Variants in EIF2B3 observed in about 807,000 individuals in gnomAD.
EIF2B3 encodes translation initiation factor eIF2B subunit gamma.
Under a neutral mutation model 54.1 loss-of-function variants are expected in EIF2B3, and 20 were observed. That is an observed-to-expected ratio of 0.37 (90% CI 0.26 to 0.54). The LOEUF (loss-of-function observed/expected upper bound fraction) is 0.54. Among genes scored for constraint, EIF2B3 ranks in the 20% least tolerant of loss-of-function variants. EIF2B3 has a pLI of 0.86. For missense variants in EIF2B3, 448 were observed against 547.8 expected, an observed-to-expected ratio of 0.82 and a Z score of 1.82; for synonymous variants, 153 against 188.1, an observed-to-expected ratio of 0.81 and a Z score of 1.52.
At chr1:44,921,726 A>G (rs558530243) in intron 5 of EIF2B3, among the ~76,000 whole-genome samples, 1 of 152,056 alleles carries the variant, frequency 6.6e-6, no homozygotes, top group South Asian at 2.1e-4. Flanking sequence ...CTGGTTCTCT[A>G]TTCTGTTCCA....
chr1:44,888,003 G>A (rs1235642078), intron 6 of EIF2B3, among the ~76,000 whole-genome samples: 1 of 152,160 alleles, frequency 6.6e-6, no homozygotes, highest in Non-Finnish European at 1.5e-5. Flanking sequence ...AAAAGAAACA[G>A]TCTGCAGCAC....
At chr1:44,883,693 G>C (rs888899734) in intron 6 of EIF2B3, among the ~76,000 whole-genome samples, 6 of 152,136 alleles carry the variant, frequency 3.9e-5, no homozygotes, top group African/African-American at 1.2e-4. Context: ...ATAAAATTCT[G>C]GTTTCCCGTT....
chr1:44,887,066 T>C (rs1297783271), intron 6 of EIF2B3, among the ~76,000 whole-genome samples: 1 of 152,206 alleles, frequency 6.6e-6, no homozygotes, highest in Non-Finnish European at 1.5e-5. Context: ...GGGTAAGCTC[T>C]CTCTCAGATT....
chr1:44,875,191 CA>C (rs201834102), intron 9 of EIF2B3, among the ~76,000 whole-genome samples: 3 of 150,352 alleles, frequency 2.0e-5, no homozygotes, highest in South Asian at 2.1e-4. Flanking sequence ...GACTCTGTCT[CA>C]AAAAAAAAGA....
At chr1:44,937,757 G>A (rs395340) in intron 4 of EIF2B3, among the ~76,000 whole-genome samples, 18 of 151,974 alleles carry the variant, frequency 1.2e-4, no homozygotes, top group South Asian at 4.2e-4. Flanking sequence ...GGTGGCGGGC[G>A]CCTGTGGTCC....
At chr1:44,869,493 T>G (rs1415007122) in intron 10 of EIF2B3, among the ~76,000 whole-genome samples, 1 of 150,264 alleles carries the variant, frequency 6.7e-6, no homozygotes, top group African/African-American at 2.5e-5. Context: ...AAAAAAAGCT[T>G]TATATTTACT....
chr1:44,880,052 T>G, intron 7 of EIF2B3, 44 bp from the exon 8 acceptor site: 712 of 1,372,988 alleles, frequency 5.2e-4, no homozygotes, highest in Non-Finnish European at 6.7e-4. Flanking sequence ...GAGAGAGAGA[T>G]AACAGAACAG....
At chr1:44,894,986 A>T (rs3767490) in intron 6 of EIF2B3, among the ~76,000 whole-genome samples, 15 of 151,924 alleles carry the variant, frequency 9.9e-5, no homozygotes, top group Admixed American at 7.9e-4. Flanking sequence ...CCAGGAGTAA[A>T]GACTGTCCCT....
At chr1:44,926,826 T>C in intron 4 of EIF2B3, 87 bp from the exon 5 acceptor site, 2 of 1,163,744 alleles carry the variant, frequency 1.7e-6, no homozygotes, top group South Asian at 1.2e-5. Flanking sequence ...ATCTGCTCAG[T>C]GCTCTTGGAA....
At chr1:44,951,238 T>C (rs550125044) in intron 3 of EIF2B3, among the ~76,000 whole-genome samples, 4 of 152,184 alleles carry the variant, frequency 2.6e-5, no homozygotes, top group Non-Finnish European at 5.9e-5. Flanking sequence ...GACACACATA[T>C]ATTGAACCCT....
At position 44,881,186 on chromosome 1, in the gene EIF2B3, G is replaced by T. The variant is rs1260085369; in HGVS notation, c.784+426C>A. On this transcript the variant is annotated intron_variant, in intron 7 of 11. Transcript: ENST00000360403. The surrounding 1 kb of genome is among the most constrained non-coding windows in gnomAD (Gnocchi z 4.0). ...GATCCGATCTTCAGATCCTGGCACG[G>T]AGACACCTGGGTTGGCCTGTGGTTG... 1.3e-5 allele frequency among the ~76,000 whole-genome samples: 2 copies of T among 152,216 alleles called. No individual in the cohort carries two copies. The highest frequency in any genetic ancestry group is 4.8e-5 in the African/African-American group (2 of 41,458).
At chr1:44,955,387 C>T (rs999273970) in intron 3 of EIF2B3, among the ~76,000 whole-genome samples, 10 of 152,010 alleles carry the variant, frequency 6.6e-5, no homozygotes, top group Non-Finnish European at 1.0e-4. Flanking sequence ...AAGACTTAAA[C>T]GTAAGACCCA....
At chr1:44,899,399 C>G (rs1208186739) in intron 5 of EIF2B3, among the ~76,000 whole-genome samples, 2 of 152,118 alleles carry the variant, frequency 1.3e-5, no homozygotes, top group Non-Finnish European at 2.9e-5. Context: ...AGACAACCTA[C>G]AGAAATGGGA....
intron 5 of EIF2B3, among the ~76,000 whole-genome samples, chr1:44,909,631 T>C (rs995826265): frequency 1.6e-4 from 25 of 152,282 alleles, no homozygotes; most frequent in African/African-American, 6.0e-4. Context: ...TGGGTTATCT[T>C]ACAGCCATAT....
At chr1:44,874,583 G>C in intron 10 of EIF2B3, 95 bp downstream of exon 10, 1 of 1,390,340 alleles carries the variant, frequency 7.2e-7, no homozygotes, top group Non-Finnish European at 1.0e-6. Context: ...ACTTTGCCTG[G>C]GTATACAATT....
chr1:44,876,798 T>C (rs1408762613), intron 8 of EIF2B3, among the ~76,000 whole-genome samples: 5 of 145,866 alleles, frequency 3.4e-5, no homozygotes, highest in Non-Finnish European at 7.5e-5. Context: ...ATGGTTGCTG[T>C]GTCTGTGTAG....
intron 5 of EIF2B3, among the ~76,000 whole-genome samples, chr1:44,919,543 A>G (rs993032559): frequency 2.0e-5 from 3 of 152,010 alleles, no homozygotes; most frequent in Non-Finnish European, 4.4e-5. Context: ...AACACATCAC[A>G]TGTTGTGTCA....
At chr1:44,963,245 CA>C (rs199647720) in intron 3 of EIF2B3, among the ~76,000 whole-genome samples, 2 of 147,660 alleles carry the variant, frequency 1.4e-5, no homozygotes, top group African/African-American at 2.5e-5. Context: ...AAAAACAAAA[CA>C]AAAAAAAACC....
chr1:44,883,744 C>T (rs1309137659), intron 6 of EIF2B3, among the ~76,000 whole-genome samples: 1 of 152,158 alleles, frequency 6.6e-6, no homozygotes, highest in African/African-American at 2.4e-5. Context: ...TTGCAATTCT[C>T]CCATCTTGAT....
Sources: gnomAD v4.1 joint callset for allele counts (sites outside exome capture counted in the v4.1 genomes callset) on GRCh38, gnomAD v4.1.1 for gene constraint, Gnocchi (gnomAD v3.1) non-coding constraint, MANE v1.5 for transcripts, NCBI Gene and HGNC (gene_info 2026-07-23, HGNC 2026-07-21) for gene names.